Variants in ZFHX3 observed in about 807,000 individuals in gnomAD.
ZFHX3 encodes zinc finger homeobox 3.
ZFHX3 carries 42 observed loss-of-function variants against 279.1 expected under a neutral mutation model. That is an observed-to-expected ratio of 0.15 (90% CI 0.12 to 0.19). The LOEUF (loss-of-function observed/expected upper bound fraction) is 0.19, where lower values mean the gene tolerates loss of function less well. Ranked by LOEUF, ZFHX3 falls within the 10% of genes least tolerant of loss-of-function variation. The pLI is 1.00. For missense variants in ZFHX3, 4,981 were observed against 4,754.0 expected (o/e 1.05, Z -1.40); for synonymous variants, 2,293 against 1,957.8 (o/e 1.17, Z -4.52).
intron 2 of ZFHX3, among the ~76,000 whole-genome samples, chr16:73,585,485 C>T (rs1437622007): frequency 6.6e-6 from 1 of 152,106 alleles, no homozygotes; most frequent in Non-Finnish European, 1.5e-5. Context: ...AGACAAATAG[C>T]TAATGCATGT....
chr16:72,969,498 G>A (rs1020956548), intron 1 of ZFHX3, among the ~76,000 whole-genome samples: 2 of 151,952 alleles, frequency 1.3e-5, no homozygotes, highest in East Asian at 1.9e-4. Context: ...GTAAAAGGAC[G>A]AGGGCAGCCC....
At chr16:73,768,075 C>T (rs749758381) in intron 1 of ZFHX3, among the ~76,000 whole-genome samples, 10 of 152,248 alleles carry the variant, frequency 6.6e-5, no homozygotes, top group East Asian at 3.9e-4. Flanking sequence ...TCAGGGCCTT[C>T]GGTCAAAGTG....
chr16:72,839,907 G>A (rs1250738107), intron 4 of ZFHX3, among the ~76,000 whole-genome samples: 2 of 152,192 alleles, frequency 1.3e-5, no homozygotes, highest in Non-Finnish European at 2.9e-5. Flanking sequence ...GTGTGAGGCT[G>A]AGCAGTCCCT....
intron 3 of ZFHX3, among the ~76,000 whole-genome samples, chr16:73,405,593 T>C (rs1212680702): frequency 1.3e-5 from 1 of 78,258 alleles, no homozygotes; most frequent in Non-Finnish European, 2.1e-5. Flanking sequence ...TTGTTTTTTG[T>C]TTTTTTTTTT....
At chr16:72,801,667 C>T (rs2036105395) in intron 7 of ZFHX3, among the ~76,000 whole-genome samples, 1 of 152,152 alleles carries the variant, frequency 6.6e-6, no homozygotes, top group South Asian at 2.1e-4. Context: ...ACATAGCATT[C>T]TTGCCCCCAC....
At chr16:73,204,382 C>T (rs1020566667) in intron 5 of ZFHX3, among the ~76,000 whole-genome samples, 2 of 151,914 alleles carry the variant, frequency 1.3e-5, no homozygotes, top group African/African-American at 2.4e-5. Flanking sequence ...CTGCAACTAG[C>T]GGGTAATGGG....
intron 3 of ZFHX3, among the ~76,000 whole-genome samples, chr16:73,370,652 T>C (rs952565733): frequency 2.6e-5 from 4 of 152,194 alleles, no homozygotes; most frequent in Admixed American, 6.5e-5. Context: ...TCAGTGTGAT[T>C]ACCAGGTTAT....
At chr16:72,833,253 C>A (rs1018323523) in intron 4 of ZFHX3, among the ~76,000 whole-genome samples, 1 of 152,226 alleles carries the variant, frequency 6.6e-6, no homozygotes, top group African/African-American at 2.4e-5. Flanking sequence ...GGGCTGTTAT[C>A]TAGCCCTTGT....
intron 2 of ZFHX3, among the ~76,000 whole-genome samples, chr16:73,460,977 G>A (rs7190824): frequency 0.013 from 1,905 of 152,264 alleles, 35 homozygotes; most frequent in African/African-American, 0.044. Flanking sequence ...TGAGCCAATT[G>A]CCTCTCTTCT....
At chr16:73,003,803 C>T (rs553924828) in intron 1 of ZFHX3, among the ~76,000 whole-genome samples, 9 of 151,844 alleles carry the variant, frequency 5.9e-5, no homozygotes, top group African/African-American at 1.2e-4. Context: ...AGAGGCAGAA[C>T]AGAGTGAGGG....
intron 4 of ZFHX3, among the ~76,000 whole-genome samples, chr16:73,299,698 C>A (rs1356963846): frequency 6.6e-6 from 1 of 152,234 alleles, no homozygotes; most frequent in Non-Finnish European, 1.5e-5. Context: ...GGCAGGCTGA[C>A]TGGCCCTGTT....
intron 5 of ZFHX3, among the ~76,000 whole-genome samples, chr16:73,169,650 C>T (rs1040064287): frequency 6.9e-6 from 1 of 145,728 alleles, no homozygotes; most frequent in African/African-American, 2.6e-5. Context: ...CAGAGTGAGA[C>T]GATGTCTCAA....
intron 2 of ZFHX3, among the ~76,000 whole-genome samples, chr16:73,472,096 A>G (rs2018677947): frequency 6.6e-6 from 1 of 152,018 alleles, no homozygotes; most frequent in South Asian, 2.1e-4. Context: ...GTTTTGATTT[A>G]AAGATCTACT....
chr16:73,241,768 C>T (rs1337015773), intron 5 of ZFHX3, among the ~76,000 whole-genome samples: 1 of 67,534 alleles, frequency 1.5e-5, no homozygotes, highest in Non-Finnish European at 2.6e-5. Flanking sequence ...CTAGCTGGGG[C>T]AATAAGAGCA....
At chr16:73,319,514 AGAGTCATG>A (rs2015529086) in intron 3 of ZFHX3, among the ~76,000 whole-genome samples, 1 of 151,918 alleles carries the variant, frequency 6.6e-6, no homozygotes, top group Non-Finnish European at 1.5e-5. Context: ...CCCAGACAGG[AGAGTCATG>A]GAGTCCCGCT....
intron 2 of ZFHX3, among the ~76,000 whole-genome samples, chr16:73,510,576 A>G (rs1177836487): frequency 1.3e-5 from 2 of 152,228 alleles, no homozygotes; most frequent in African/African-American, 4.8e-5. Flanking sequence ...AGTTAGGAAA[A>G]TTACGTAGGG....
At chr16:73,599,228 C>G (rs544814163) in intron 2 of ZFHX3, among the ~76,000 whole-genome samples, 3 of 152,154 alleles carry the variant, frequency 2.0e-5, no homozygotes, top group Admixed American at 1.3e-4. Flanking sequence ...CCATTAGCCA[C>G]GGGGGTGTCA....
intron 2 of ZFHX3, among the ~76,000 whole-genome samples, chr16:73,585,265 A>T (rs2051912995): frequency 6.6e-6 from 1 of 152,156 alleles, no homozygotes; most frequent in Non-Finnish European, 1.5e-5. Flanking sequence ...AAAATACAAA[A>T]ATTATCTGGG....
intron 5 of ZFHX3, among the ~76,000 whole-genome samples, chr16:73,235,550 G>A (rs2012916536): frequency 1.3e-5 from 2 of 152,190 alleles, no homozygotes; most frequent in African/African-American, 4.8e-5. Flanking sequence ...GGATGAAATG[G>A]ACCGGAGAGG....
Sources: allele counts gnomAD v4.1 joint callset (sites outside exome capture counted in the v4.1 genomes callset), GRCh38; gene constraint gnomAD v4.1.1; transcripts MANE v1.5; gene names NCBI Gene and HGNC (gene_info 2026-07-23, HGNC 2026-07-21).